The following ARHGEF4 variants were observed in gnomAD, a reference collection of about 807,000 sequenced individuals.
ARHGEF4 encodes the protein APC-stimulated guanine nucleotide exchange factor 1.
ARHGEF4 carries 119 observed loss-of-function variants against 162.0 expected under a neutral mutation model. The ratio of observed to expected loss-of-function variants is 0.73; its 90% CI spans 0.63 to 0.86. The LOEUF (loss-of-function observed/expected upper bound fraction) is 0.86, where lower values mean the gene tolerates loss of function less well. ARHGEF4 is among the 40% of genes least tolerant of loss of function. The pLI is 0.00. For missense variants in ARHGEF4, 2,488 were observed against 2,456.0 expected, an observed-to-expected ratio of 1.01 and a Z score of -0.28; for synonymous variants, 1,014 against 979.9, an observed-to-expected ratio of 1.03 and a Z score of -0.65.
chr2:131,040,143 T>G lies in ARHGEF4; in HGVS notation c.4433T>G (p.Ile1478Ser), dbSNP rs577646889. Residue 1478 changes from isoleucine to serine, a missense_variant, in exon 7 of 14, where the codon ATC becomes AGC. This residue lies in a region of ARHGEF4 where 174 missense variants were observed against 148.3 expected (regional missense o/e 1.17). Transcript: ENST00000409359. ...ATGCGGACCAACGTCATCAACGAGA[T>G]CCTCAGCACTGAGCGGGACTACATC... ...DQMRTNVINE[I>S]LSTERDYIKH... is the part of the protein sequence containing the mutation. 8 of 1,613,212 alleles carry G rather than the reference T, an allele frequency of 5.0e-6. No homozygotes were observed. Among genetic ancestry groups the G allele is most frequent in the East Asian group, 2.2e-5 (1 of 44,830 alleles).
At chr2:131,014,367 A>G (rs886228363) in intron 4 of ARHGEF4, among the ~76,000 whole-genome samples, 4 of 152,188 alleles carry the variant, frequency 2.6e-5, no homozygotes, top group Non-Finnish European at 4.4e-5. Context: ...TGTTTTATGT[A>G]ATTACTTTTT....
chr2:131,027,549 T>C (rs1054367494), intron 4 of ARHGEF4, among the ~76,000 whole-genome samples: 1 of 152,228 alleles, frequency 6.6e-6, no homozygotes, highest in African/African-American at 2.4e-5. Context: ...CTATGTTTTC[T>C]TTGAATACAC....
chr2:130,868,702 C>A (rs953744071), intron 1 of ARHGEF4, among the ~76,000 whole-genome samples: 60 of 152,298 alleles, frequency 3.9e-4, no homozygotes, highest in African/African-American at 1.2e-3. Context: ...TATGACTTTC[C>A]TGTAGCTGCT....
chr2:130,945,192 C>T (rs1401189576), intron 3 of ARHGEF4, among the ~76,000 whole-genome samples: 1 of 152,088 alleles, frequency 6.6e-6, no homozygotes, highest in East Asian at 1.9e-4. Flanking sequence ...GACCCCTCCT[C>T]TTGGCATTCT....
In ARHGEF4 at chr2:130,915,650, C is replaced by T. The variant is rs3739130; in HGVS notation, c.1704C>T (p.Ala568=). 10,276 of 1,550,356 alleles carry T rather than the reference C, an allele frequency of 6.6e-3. 341 individuals carry two copies. In the African/African-American group the frequency reaches 0.09, roughly 14 times the overall value. The change falls in exon 2 of 14, where the codon GCC becomes GCT. Residue 568 remains alanine (A), a synonymous_variant. Coordinates refer to ENST00000409359, the MANE Select transcript of ARHGEF4 (RefSeq NM_001367493.1). ...GCGCAATAGACACTTCAAAGGCAGC[C>T]GAAGAAGCCATGGTTCTAGACCCCA... ...KSSAIDTSKA[A]EEAMVLDPNY...
intron 4 of ARHGEF4, chr2:131,011,753 C>T: frequency 9.7e-7 from 1 of 1,036,170 alleles, no homozygotes; most frequent in Non-Finnish European, 1.5e-6. Flanking sequence ...GACTGTCACT[C>T]TGAAGCAGCT....
chr2:130,838,479 G>A (rs1360214544), intron 1 of ARHGEF4, among the ~76,000 whole-genome samples: 5 of 152,254 alleles, frequency 3.3e-5, no homozygotes, highest in Middle Eastern at 3.4e-3. Context: ...GGTAGTGGGC[G>A]CCTGTAATCC....
At chr2:131,014,338 C>G (rs928274211) in intron 4 of ARHGEF4, among the ~76,000 whole-genome samples, 2 of 152,234 alleles carry the variant, frequency 1.3e-5, no homozygotes, top group African/African-American at 4.8e-5. Flanking sequence ...TCACTTACTG[C>G]TAAATCATGA....
At chr2:130,872,040 G>C (rs1308076618) in intron 1 of ARHGEF4, among the ~76,000 whole-genome samples, 1 of 152,250 alleles carries the variant, frequency 6.6e-6, no homozygotes, top group Admixed American at 6.5e-5. Flanking sequence ...GAGCAACAGG[G>C]CCTCGCAGCA....
At chr2:131,027,123 G>C (rs900418651) in intron 4 of ARHGEF4, among the ~76,000 whole-genome samples, 5 of 152,162 alleles carry the variant, frequency 3.3e-5, no homozygotes, top group Admixed American at 6.5e-5. Flanking sequence ...CTGTCCAGCA[G>C]CACCACCACA....
intron 2 of ARHGEF4, among the ~76,000 whole-genome samples, chr2:130,923,843 C>CCT (rs1682047886): frequency 6.6e-6 from 1 of 151,876 alleles, no homozygotes; most frequent in Non-Finnish European, 1.5e-5. Flanking sequence ...GCCATTGGTG[C>CCT]CTGATGCTTT....
chr2:131,014,201 T>G (rs867668716), intron 4 of ARHGEF4, among the ~76,000 whole-genome samples: 1 of 152,212 alleles, frequency 6.6e-6, no homozygotes, highest in African/African-American at 2.4e-5. Flanking sequence ...AGGCTGGTTC[T>G]GTTCAGTGAA....
intron 1 of ARHGEF4, among the ~76,000 whole-genome samples, chr2:130,866,919 G>A (rs1176116270): frequency 6.6e-6 from 1 of 152,162 alleles, no homozygotes; most frequent in Non-Finnish European, 1.5e-5. Context: ...TCTGTTTTCT[G>A]GAAGAGACTG....
intron 4 of ARHGEF4, among the ~76,000 whole-genome samples, chr2:130,999,278 C>T (rs201127910): frequency 1.3e-5 from 2 of 151,404 alleles, no homozygotes; most frequent in East Asian, 3.9e-4. Flanking sequence ...ACTCAGCCTT[C>T]CAACTAGCTG....
At chr2:130,974,618 T>G (rs1302426724) in intron 4 of ARHGEF4, among the ~76,000 whole-genome samples, 2 of 864 alleles carry the variant, frequency 2.3e-3, no homozygotes, top group Non-Finnish European at 0.012. Flanking sequence ...ACCCAGCTAT[T>G]TTTTTTTTTT....
chr2:130,961,966 C>T (rs933231967), intron 4 of ARHGEF4, among the ~76,000 whole-genome samples: 1 of 152,064 alleles, frequency 6.6e-6, no homozygotes, highest in Admixed American at 6.6e-5. Flanking sequence ...GCAGGCCGGG[C>T]GCGGTGGCTC....
At chr2:130,894,685 G>A (rs899274522) in intron 1 of ARHGEF4, among the ~76,000 whole-genome samples, 2 of 151,888 alleles carry the variant, frequency 1.3e-5, no homozygotes, top group Admixed American at 6.6e-5. Context: ...GGAAGAACTA[G>A]TGAGGCTCCT....
rs781194604 is a variant in ARHGEF4 at position 131,040,452 on chromosome 2, GC to G, written c.4662+17del. 1.0e-5 allele frequency: 16 copies of G among 1,548,208 alleles called. No homozygotes were observed. The highest frequency in any genetic ancestry group is 3.9e-5 in the Admixed American group (2 of 50,708). ...GCTTCCTGGAGCATGTGAGCGCGCG[GC>G]CCCCGGCCCCTACCTGGGCGCTGCG... is the stretch of plus-strand genomic sequence containing the variant. On this transcript the variant is annotated intron_variant, in intron 8 of 13. Coordinates refer to ENST00000409359, the MANE Select transcript of ARHGEF4 (RefSeq NM_001367493.1).
chr2:130,995,416 C>A (rs559978860), intron 4 of ARHGEF4, among the ~76,000 whole-genome samples: 1 of 152,094 alleles, frequency 6.6e-6, no homozygotes, highest in African/African-American at 2.4e-5. Flanking sequence ...TGCCTTCTAC[C>A]TCCGTGAGCC....
Sources: allele counts gnomAD v4.1 joint callset (sites outside exome capture counted in the v4.1 genomes callset), GRCh38; gene constraint gnomAD v4.1.1; regional missense constraint gnomAD v4.1.1; transcripts MANE v1.5; gene names NCBI Gene and HGNC (gene_info 2026-07-23, HGNC 2026-07-21).